Variants in ST8SIA2 observed in about 807,000 individuals in gnomAD.
ST8SIA2 encodes the protein alpha-2,8-sialyltransferase 8B.
ST8SIA2 carries 22 observed loss-of-function variants against 37.6 expected under a neutral mutation model. The observed-to-expected ratio is 0.58, with a 90% CI of 0.42 to 0.83. The LOEUF is 0.83. Among genes scored for constraint, ST8SIA2 ranks in the 40% least tolerant of loss-of-function variants. The pLI is 0.00. For missense variants in ST8SIA2, 382 were observed against 484.7 expected (o/e 0.79, Z 1.99); for synonymous variants, 205 against 201.2 (o/e 1.02, Z -0.16).
intron 4 of ST8SIA2, among the ~76,000 whole-genome samples, chr15:92,443,409 G>T (rs1294423469): frequency 6.6e-6 from 1 of 152,188 alleles, no homozygotes; most frequent in Non-Finnish European, 1.5e-5. Context: ...AATAGCAGAG[G>T]CTGCTCACCC....
chr15:92,408,947 GC>G (rs1292823148), intron 1 of ST8SIA2, among the ~76,000 whole-genome samples: 4 of 152,064 alleles, frequency 2.6e-5, no homozygotes, highest in Admixed American at 6.5e-5. Flanking sequence ...CTCATGATCC[GC>G]CCGCCTTGGC....
intron 1 of ST8SIA2, among the ~76,000 whole-genome samples, chr15:92,420,470 C>T (rs879681968): frequency 7.2e-5 from 11 of 152,242 alleles, no homozygotes; most frequent in South Asian, 2.1e-4. Flanking sequence ...TTGGCTGGAA[C>T]ATAATGAAAG....
At chr15:92,445,738 A>G (rs2049837646) in intron 5 of ST8SIA2, among the ~76,000 whole-genome samples, 1 of 152,214 alleles carries the variant, frequency 6.6e-6, no homozygotes, top group African/African-American at 2.4e-5. Context: ...ATTCCAGGAA[A>G]GAGATTCCAA....
Position 92,456,018 on chromosome 15 carries a change from A to G in ST8SIA2, c.843-8082A>G, listed in dbSNP as rs190960738. Among the ~76,000 whole-genome samples, 170 of 152,312 alleles carry G rather than the reference A, an allele frequency of 1.1e-3. 1 individual carries two copies. The highest frequency in any genetic ancestry group is 6.1e-3 in the Admixed American group (93 of 15,308). ...TTGATTATGAATGAGATTGAATATA[A>G]TTTTGTTTCTTTGGAGTGGCATCGA... is the stretch of plus-strand genomic sequence containing the variant. On this transcript the variant is annotated intron_variant, in intron 5 of 5. Transcript: ENST00000268164.
intron 1 of ST8SIA2, among the ~76,000 whole-genome samples, chr15:92,420,496 G>C (rs1429599131): frequency 2.0e-5 from 3 of 152,182 alleles, no homozygotes. Context: ...AGTTCTCAGG[G>C]ATGTTTTCTG....
At chr15:92,449,810 G>T (rs1272113095) in intron 5 of ST8SIA2, among the ~76,000 whole-genome samples, 1 of 152,300 alleles carries the variant, frequency 6.6e-6, no homozygotes, top group South Asian at 2.1e-4. Flanking sequence ...CTTTTGAGAA[G>T]TGGCTGTTCA....
chr15:92,465,089 A>G lies in ST8SIA2; in HGVS notation c.*704A>G, dbSNP rs1281835235. On this transcript the variant is annotated 3_prime_UTR_variant, in exon 6 of 6. Transcript: ENST00000268164. ...TTCATGTTCTGGCTTAGCAAGAGCC[A>G]CCAAGAACTTTGGGTGAAGCAAGCA... 1 of 152,632 alleles carries G rather than the reference A, an allele frequency of 6.6e-6. No individual in the cohort carries two copies. Among genetic ancestry groups the G allele is most frequent in the Middle Eastern group, 3.2e-3 (1 of 316 alleles). The allele number at this position is 152,632 out of a possible 1,614,324, so 9.5% of individuals were successfully genotyped here.
intron 2 of ST8SIA2, among the ~76,000 whole-genome samples, chr15:92,433,299 CTG>C (rs2049730383): frequency 6.6e-6 from 1 of 152,178 alleles, no homozygotes; most frequent in African/African-American, 2.4e-5. Context: ...CTTATTCTAA[CTG>C]GGAGAATCTG....
intron 5 of ST8SIA2, among the ~76,000 whole-genome samples, chr15:92,447,892 T>A (rs2049853484): frequency 1.3e-5 from 2 of 152,222 alleles, no homozygotes; most frequent in African/African-American, 4.8e-5. Context: ...AACCCTCATC[T>A]CGTGGACTGT....
chr15:92,436,863 G>A (rs1215860634), intron 3 of ST8SIA2, among the ~76,000 whole-genome samples: 1 of 152,182 alleles, frequency 6.6e-6, no homozygotes, highest in Non-Finnish European at 1.5e-5. Context: ...CTGCCCCGGA[G>A]GCTCTTGAAC....
rs1038656521 is a variant in ST8SIA2, at chr15:92,410,314, C to T, written c.98+16152C>T. ...CTATTTTCACCTACCACCTGCTCTA[C>T]ATTAAAAAGAAAAGAAAGCTGCTAT... On this transcript the variant is annotated intron_variant, in intron 1 of 5. Coordinates refer to ENST00000268164, the MANE Select transcript of ST8SIA2 (RefSeq NM_006011.4). Among the ~76,000 whole-genome samples, 4 of 152,186 alleles carry T rather than the reference C, an allele frequency of 2.6e-5. No homozygotes were observed. In the East Asian group the frequency reaches 7.7e-4, roughly 29 times the overall value.
chr15:92,403,369 G>A (rs919122918), intron 1 of ST8SIA2, among the ~76,000 whole-genome samples: 4 of 152,048 alleles, frequency 2.6e-5, no homozygotes, highest in South Asian at 2.1e-4. Context: ...ACTTTATCCC[G>A]TTTTCTGTAC....
intron 1 of ST8SIA2, among the ~76,000 whole-genome samples, chr15:92,413,647 C>T (rs1215453898): frequency 6.6e-6 from 1 of 152,194 alleles, no homozygotes; most frequent in Admixed American, 6.5e-5. Context: ...GTGCTTGACA[C>T]GTGCATGTGA....
rs1208882007 is a variant in ST8SIA2 at position 92,393,940 on chromosome 15, G to A, written c.-125G>A. On this transcript the variant is annotated 5_prime_UTR_variant, in exon 1 of 6. Coordinates refer to ENST00000268164, the MANE Select transcript of ST8SIA2 (RefSeq NM_006011.4). ...CCGCTGCCGCCGCCGGCCCGGACTC[G>A]TCCGGAGCGCAGGGTGTCTGCCCAG... The A allele has an allele frequency of 3.0e-5, 13 of 426,616 alleles. No homozygotes were observed. Among genetic ancestry groups the A allele is most frequent in the Non-Finnish European group, 4.7e-5 (13 of 277,532 alleles). 26.4% of individuals were successfully genotyped at this position (426,616 alleles called of 1,614,324 possible).
At chr15:92,409,431 G>C (rs2049533353) in intron 1 of ST8SIA2, among the ~76,000 whole-genome samples, 2 of 152,214 alleles carry the variant, frequency 1.3e-5, no homozygotes, top group Admixed American at 6.5e-5. Flanking sequence ...ATTGTGTAGT[G>C]TTGTTTTTAT....
intron 1 of ST8SIA2, among the ~76,000 whole-genome samples, chr15:92,399,607 A>T (rs56230837): frequency 0.092 from 11,881 of 129,060 alleles, 603 homozygotes; most frequent in South Asian, 0.17. Context: ...ATTTTTTTTT[A>T]AAAAAGCCCA....
rs2049981474 is a variant in ST8SIA2 at position 92,464,837 on chromosome 15, C to G, written c.*452C>G. On this transcript the variant is annotated 3_prime_UTR_variant, in exon 6 of 6. Transcript: ENST00000268164. Reference sequence around the variant, plus strand: ...AGAAAGCTGAGGCCCAGAGGGGACACTCGACCCAGTCTAAAGTGGGTGCCA... The same window carrying G: ...AGAAAGCTGAGGCCCAGAGGGGACAGTCGACCCAGTCTAAAGTGGGTGCCA... 1 of 195,092 alleles carries G rather than the reference C, an allele frequency of 5.1e-6. No individual in the cohort carries two copies. Among genetic ancestry groups the G allele is most frequent in the African/African-American group, 2.4e-5 (1 of 42,364 alleles). 12.1% of individuals were successfully genotyped at this position (195,092 alleles called of 1,614,324 possible). A position where few individuals can be genotyped will look rare whatever the true frequency, so the allele number is the denominator to read the frequency against.
chr15:92,450,808 T>C (rs1195373967), intron 5 of ST8SIA2, among the ~76,000 whole-genome samples: 1 of 152,186 alleles, frequency 6.6e-6, no homozygotes, highest in African/African-American at 2.4e-5. Context: ...CAATGAGATA[T>C]CACTTCATAC....
rs780144437 is a variant in ST8SIA2, at chr15:92,396,017, C to A, written c.98+1855C>A. Among the ~76,000 whole-genome samples, 46 of 152,218 alleles carry A rather than the reference C, an allele frequency of 3.0e-4. 1 individual carries two copies. The highest frequency in any genetic ancestry group is 2.4e-4 in the Non-Finnish European group (16 of 68,042). ...AAATGCACGGTGAAGCCTACGCTCC[C>A]CACATCAGGTTGTTCCCATATATGT... On this transcript the variant is annotated intron_variant, in intron 1 of 5. Coordinates refer to ENST00000268164, the MANE Select transcript of ST8SIA2 (RefSeq NM_006011.4).
Sources: gnomAD v4.1 joint callset for allele counts (sites outside exome capture counted in the v4.1 genomes callset) on GRCh38, gnomAD v4.1.1 for gene constraint, MANE v1.5 for transcripts, NCBI Gene and HGNC (gene_info 2026-07-23, HGNC 2026-07-21) for gene names.